The following GPLD1 variants were observed in gnomAD, a reference collection of about 807,000 sequenced individuals.
GPLD1 encodes the protein glycosylphosphatidylinositol specific phospholipase D1.
In GPLD1, 84 loss-of-function variants were observed where a neutral mutation model predicts 112.6. The observed-to-expected ratio is 0.75, with a 90% CI of 0.63 to 0.89. The LOEUF is 0.89. Ranked by LOEUF, GPLD1 falls within the 40% of genes least tolerant of loss-of-function variation. The pLI, the probability that GPLD1 is intolerant of heterozygous loss-of-function variation, is 0.00. For missense variants in GPLD1, 1,044 were observed against 1,051.5 expected (o/e 0.99, Z 0.10); for synonymous variants, 386 against 403.8 (o/e 0.96, Z 0.53).
At chr6:24,435,836 A>AAAAAAAAAAAAAAAAAAAAAAAAAAAT (rs1427422814) in intron 22 of GPLD1, 5 of 146,638 alleles carry the variant, frequency 3.4e-5, no homozygotes, top group South Asian at 2.2e-4. Flanking sequence ...AAAAAAAAAA[A>AAAAAAAAAAAAAAAAAAAAAAAAAAAT]AAAAAAAAAA....
At chr6:24,429,735 A>G (rs746514955) in intron 24 of GPLD1, among the ~76,000 whole-genome samples, 1 of 152,120 alleles carries the variant, frequency 6.6e-6, no homozygotes, top group Non-Finnish European at 1.5e-5. Context: ...TTTAGTAGAG[A>G]CGAGCTCTCA....
At chr6:24,455,436 T>C (rs1429464669) in intron 13 of GPLD1, among the ~76,000 whole-genome samples, 8 of 152,226 alleles carry the variant, frequency 5.3e-5, no homozygotes, top group Non-Finnish European at 4.4e-5. Flanking sequence ...CCTTTGGAAT[T>C]AAGGAGTATG....
chr6:24,439,197 AGAG>A (rs67462150), intron 20 of GPLD1, among the ~76,000 whole-genome samples: 33,465 of 152,006 alleles, frequency 0.22, 3,859 homozygotes, highest in Non-Finnish European at 0.25. Flanking sequence ...TTCCATGGCA[AGAG>A]GATACCTGAG....
rs559388972 is a variant in GPLD1 at position 24,447,818 on chromosome 6, T to C, written c.1678+59A>G. 6.6e-5 allele frequency: 99 copies of C among 1,508,858 alleles called. No homozygotes were observed. In the South Asian group the frequency reaches 7.7e-4, roughly 12 times the overall value. 93.5% of individuals were successfully genotyped at this position (1,508,858 alleles called of 1,614,324 possible). On this transcript the variant is annotated intron_variant, in intron 17 of 24. Coordinates refer to ENST00000230036, the MANE Select transcript of GPLD1 (RefSeq NM_001503.4). Reference sequence around the variant, plus strand: ...AAAGGATATAAACCCCTATGCAGGATAAGTTGTCGTAGACACACAGAGCAG... The same window carrying C: ...AAAGGATATAAACCCCTATGCAGGACAAGTTGTCGTAGACACACAGAGCAG...
At chr6:24,488,029 C>A (rs969834154) in intron 1 of GPLD1, among the ~76,000 whole-genome samples, 3 of 152,156 alleles carry the variant, frequency 2.0e-5, no homozygotes, top group African/African-American at 4.8e-5. Context: ...GATAAATTTT[C>A]ATTTTTTGCC....
At chr6:24,455,078 G>A (rs1178703160) in intron 13 of GPLD1, among the ~76,000 whole-genome samples, 2 of 152,224 alleles carry the variant, frequency 1.3e-5, no homozygotes, top group East Asian at 1.9e-4. Context: ...CCAGTGAGCC[G>A]AAATCAGAAC....
In GPLD1 at chr6:24,426,919, C is replaced by T. The variant is rs1314531167; in HGVS notation, c.*2113G>A. Among the ~76,000 whole-genome samples, 1 of 152,148 alleles carries T rather than the reference C, an allele frequency of 6.6e-6. No homozygotes were observed. The highest frequency in any genetic ancestry group is 1.5e-5 in the Non-Finnish European group (1 of 68,020). On this transcript the variant is annotated 3_prime_UTR_variant, in exon 25 of 25. Coordinates refer to ENST00000230036, the MANE Select transcript of GPLD1 (RefSeq NM_001503.4). ...ACCTCTTCCAGAAAAATGAGGTCAT[C>T]CTGGGAGTGACCCAGAGATGCTCTC...
At chr6:24,456,940 A>G (rs1472327808) in intron 12 of GPLD1, among the ~76,000 whole-genome samples, 1 of 152,064 alleles carries the variant, frequency 6.6e-6, no homozygotes, top group Non-Finnish European at 1.5e-5. Flanking sequence ...GCACGATCTC[A>G]ACTCACTGCA....
At chr6:24,431,447 G>T (rs1016862342) in intron 24 of GPLD1, among the ~76,000 whole-genome samples, 1 of 152,088 alleles carries the variant, frequency 6.6e-6, no homozygotes, top group Non-Finnish European at 1.5e-5. Context: ...TTCAAGAACA[G>T]GGACTCTGCC....
chr6:24,483,434 G>T (rs867055983), intron 2 of GPLD1, among the ~76,000 whole-genome samples: 4 of 150,680 alleles, frequency 2.7e-5, no homozygotes, highest in African/African-American at 7.3e-5. Flanking sequence ...ATCCCAGCAC[G>T]TTGGGAGGCT....
chr6:24,492,770 G>A (rs1188901290), upstream of GPLD1, among the ~76,000 whole-genome samples: 1 of 152,096 alleles, frequency 6.6e-6, no homozygotes, highest in East Asian at 1.9e-4. Context: ...CTGAATGGGG[G>A]CTTGAAGAGG....
intron 24 of GPLD1, among the ~76,000 whole-genome samples, chr6:24,430,466 GTTTC>G (rs1317753188): frequency 2.6e-5 from 4 of 152,106 alleles, no homozygotes; most frequent in African/African-American, 9.7e-5. Context: ...CATGTCTCAG[GTTTC>G]TTTGTCTATC....
intron 2 of GPLD1, among the ~76,000 whole-genome samples, chr6:24,485,418 T>A (rs1353813849): frequency 6.6e-6 from 1 of 152,158 alleles, no homozygotes; most frequent in African/African-American, 2.4e-5. Flanking sequence ...GCACATATAC[T>A]AATATTGGAA....
chr6:24,448,327 C>G (rs1260805598), intron 15 of GPLD1, 119 bp from the exon 16 acceptor site: 1 of 434,690 alleles, frequency 2.3e-6, no homozygotes. Context: ...TGTCTATAAT[C>G]CCAGTGCTTT....
chr6:24,493,480 A>G (rs1764608445), upstream of GPLD1, among the ~76,000 whole-genome samples: 2 of 152,172 alleles, frequency 1.3e-5, no homozygotes. Context: ...TCGGTCTCAC[A>G]AGAACAAAAC....
upstream of GPLD1, among the ~76,000 whole-genome samples, chr6:24,492,590 T>C (rs1337145692): frequency 8.1e-6 from 1 of 122,874 alleles, no homozygotes; most frequent in Non-Finnish European, 1.7e-5. Context: ...AACTGGGGAG[T>C]GGAGGTTCCC....
chr6:24,457,742 G>A lies in GPLD1; in HGVS notation c.1009-1105C>T, dbSNP rs187756161. On this transcript the variant is annotated intron_variant, in intron 12 of 24. Transcript: ENST00000230036. ...CTAAAAATTAGCTGGGAGTGGTGGC[G>A]GGCACCTGTAGTCCCAGCTACTTGG... Among the ~76,000 whole-genome samples, 856 of 151,986 alleles carry A rather than the reference G, an allele frequency of 5.6e-3. 7 individuals are homozygous for A. Among genetic ancestry groups the A allele is most frequent in the Admixed American group, 8.6e-3 (131 of 15,262 alleles).
At chr6:24,447,102 G>A (rs960115464) in intron 17 of GPLD1, 123 bp from the exon 18 acceptor site, 4 of 730,820 alleles carry the variant, frequency 5.5e-6, no homozygotes, top group African/African-American at 5.3e-5. Flanking sequence ...TTTGCCAGAG[G>A]TCTTATATGT....
chr6:24,476,129 T>A, intron 4 of GPLD1, 52 bp downstream of exon 4: 1 of 978,120 alleles, frequency 1.0e-6, no homozygotes, highest in Admixed American at 2.0e-5. Flanking sequence ...GCAAACACAG[T>A]GCATGGCAGG....
Sources: gnomAD v4.1 joint callset for allele counts (sites outside exome capture counted in the v4.1 genomes callset) on GRCh38, gnomAD v4.1.1 for gene constraint, MANE v1.5 for transcripts, NCBI Gene and HGNC (gene_info 2026-07-23, HGNC 2026-07-21) for gene names.